The following TACR3 variants were observed in gnomAD, a reference collection of about 807,000 sequenced individuals.
The protein encoded by TACR3 is neuromedin-K receptor.
Under a neutral mutation model 35.0 loss-of-function variants are expected in TACR3, and 34 were observed. The observed-to-expected ratio is 0.97, with a 90% CI of 0.74 to 1.30. The LOEUF (loss-of-function observed/expected upper bound fraction) is 1.30. Ranked by LOEUF, TACR3 falls within the 50% of genes most tolerant of loss-of-function variation. The pLI is 0.00. For missense variants in TACR3, 558 were observed against 591.7 expected (o/e 0.94, Z 0.59); for synonymous variants, 233 against 221.1 (o/e 1.05, Z -0.48).
At chr4:103,685,113 C>T (rs6827094) in intron 1 of TACR3, among the ~76,000 whole-genome samples, 103 of 152,110 alleles carry the variant, frequency 6.8e-4, no homozygotes, top group African/African-American at 2.4e-3. Context: ...CACTCTATCA[C>T]ATTTAAGAAC....
intron 1 of TACR3, among the ~76,000 whole-genome samples, chr4:103,685,307 G>A (rs1722205436): frequency 6.6e-6 from 1 of 151,974 alleles, no homozygotes; most frequent in Admixed American, 6.6e-5. Context: ...TTGGATATTT[G>A]TATGCCAAAA....
intron 3 of TACR3, among the ~76,000 whole-genome samples, chr4:103,651,111 G>A (rs1173218997): frequency 2.0e-5 from 3 of 148,086 alleles, no homozygotes; most frequent in Non-Finnish European, 4.4e-5. Context: ...AGGTGGCGAA[G>A]CCAGCCAGGC....
chr4:103,643,162 A>C (rs1031541824), intron 3 of TACR3, among the ~76,000 whole-genome samples: 32 of 151,892 alleles, frequency 2.1e-4, no homozygotes, highest in African/African-American at 7.7e-4. Context: ...GTGGCTATTT[A>C]AATTTAAACT....
At chr4:103,670,803 A>C (rs1313419828) in intron 1 of TACR3, among the ~76,000 whole-genome samples, 1 of 151,990 alleles carries the variant, frequency 6.6e-6, no homozygotes, top group East Asian at 1.9e-4. Flanking sequence ...GATATGCTTT[A>C]TTTCTTTCTC....
intron 1 of TACR3, among the ~76,000 whole-genome samples, chr4:103,699,106 A>G (rs1413170998): frequency 3.3e-5 from 5 of 152,176 alleles, no homozygotes; most frequent in Non-Finnish European, 7.3e-5. Flanking sequence ...TTTTCATGGA[A>G]ATTCTAACAC....
intron 1 of TACR3, among the ~76,000 whole-genome samples, chr4:103,699,032 C>T (rs950010347): frequency 6.6e-6 from 1 of 152,108 alleles, no homozygotes; most frequent in Non-Finnish European, 1.5e-5. Context: ...GTTATGTGTT[C>T]TCATAGTTAC....
intron 1 of TACR3, among the ~76,000 whole-genome samples, chr4:103,713,230 G>A (rs1261060227): frequency 6.6e-6 from 1 of 151,956 alleles, no homozygotes; most frequent in East Asian, 1.9e-4. Flanking sequence ...CAACCCAAAT[G>A]TCCATCAATG....
intron 1 of TACR3, among the ~76,000 whole-genome samples, chr4:103,659,991 T>C (rs1174139663): frequency 6.6e-6 from 1 of 152,174 alleles, no homozygotes; most frequent in Non-Finnish European, 1.5e-5. Flanking sequence ...TTTTGATTTA[T>C]GAAAAATTTT....
At chr4:103,600,447 G>T (rs1234090315) in intron 3 of TACR3, among the ~76,000 whole-genome samples, 1 of 152,048 alleles carries the variant, frequency 6.6e-6, no homozygotes, top group Admixed American at 6.6e-5. Flanking sequence ...GGTTTTTTGT[G>T]TCTCTATTTC....
chr4:103,713,637 G>GA (rs994551719), intron 1 of TACR3, among the ~76,000 whole-genome samples: 2 of 149,936 alleles, frequency 1.3e-5, no homozygotes, highest in East Asian at 2.0e-4. Flanking sequence ...TAATAATAAG[G>GA]AAAAAAAAGA....
At chr4:103,618,863 G>A (rs1380325334) in intron 3 of TACR3, among the ~76,000 whole-genome samples, 1 of 152,052 alleles carries the variant, frequency 6.6e-6, no homozygotes, top group African/African-American at 2.4e-5. Flanking sequence ...GCTATTGTAA[G>A]TGAGATGGTG....
At chr4:103,631,488 T>C (rs1310687595) in intron 3 of TACR3, among the ~76,000 whole-genome samples, 3 of 152,192 alleles carry the variant, frequency 2.0e-5, no homozygotes, top group South Asian at 4.1e-4. Flanking sequence ...TAGTGAGCTA[T>C]GGAAACTTTC....
intron 3 of TACR3, among the ~76,000 whole-genome samples, chr4:103,614,893 T>G (rs1261526211): frequency 8.5e-5 from 10 of 117,228 alleles, no homozygotes; most frequent in African/African-American, 3.2e-4. Flanking sequence ...TGTTTTTTTT[T>G]TTTTTTTTTT....
chr4:103,682,650 G>A (rs1324129234), intron 1 of TACR3, among the ~76,000 whole-genome samples: 1 of 152,066 alleles, frequency 6.6e-6, no homozygotes. Flanking sequence ...TGGAGCTACA[G>A]GTGTGAGCCG....
chr4:103,618,459 G>A (rs185487391), intron 3 of TACR3, among the ~76,000 whole-genome samples: 1 of 151,742 alleles, frequency 6.6e-6, no homozygotes, highest in East Asian at 1.9e-4. Flanking sequence ...TTGTACCAGT[G>A]CCAAACTGTT....
intron 3 of TACR3, among the ~76,000 whole-genome samples, chr4:103,644,791 T>A (rs1405177705): frequency 1.3e-5 from 2 of 151,456 alleles, no homozygotes; most frequent in African/African-American, 4.9e-5. Flanking sequence ...GGTTTTATGA[T>A]TAATAATAAT....
At chr4:103,641,312 G>A (rs889608602) in intron 3 of TACR3, among the ~76,000 whole-genome samples, 1 of 151,630 alleles carries the variant, frequency 6.6e-6, no homozygotes, top group Admixed American at 6.6e-5. Context: ...CTATAGTTTT[G>A]TAAGATATTT....
intron 1 of TACR3, among the ~76,000 whole-genome samples, chr4:103,672,353 T>C (rs1336972587): frequency 6.6e-6 from 1 of 152,160 alleles, no homozygotes; most frequent in Non-Finnish European, 1.5e-5. Flanking sequence ...AAAATAAATT[T>C]CTGAAATAAT....
At position 103,711,100 on chromosome 4, in the gene TACR3, C is replaced by T. The variant is rs115712000; in HGVS notation, c.548+8028G>A. Among the ~76,000 whole-genome samples the T allele has an allele frequency of 6.9e-3, 1,047 of 152,232 alleles. 12 individuals carry two copies. Among genetic ancestry groups the T allele is most frequent in the Non-Finnish European group, 9.4e-3 (642 of 68,022 alleles). On this transcript the variant is annotated intron_variant, in intron 1 of 4. Transcript: ENST00000304883. ...TGGTACCATTCCTTATGAAACTATT[C>T]CAACCAGTAGAAAAAGAGGGAATGC...
Sources: gnomAD v4.1 joint callset for allele counts (sites outside exome capture counted in the v4.1 genomes callset) on GRCh38, gnomAD v4.1.1 for gene constraint, MANE v1.5 for transcripts, NCBI Gene and HGNC (gene_info 2026-07-23, HGNC 2026-07-21) for gene names.